ODAD4: variants seen among roughly 807,000 people sequenced by gnomAD.
The protein encoded by ODAD4 is outer dynein arm-docking complex subunit 4.
ODAD4 carries 49 observed loss-of-function variants against 51.8 expected under a neutral mutation model. The ratio of observed to expected loss-of-function variants is 0.95; its 90% CI spans 0.75 to 1.20. ODAD4 has a LOEUF of 1.20. ODAD4 is among the 50% of genes most tolerant of loss of function. The probability of loss-of-function intolerance (pLI) is 0.00; values close to 1 mark genes in which losing one functional copy is unlikely to be tolerated. For synonymous variants in ODAD4, 235 were observed against 221.3 expected (o/e 1.06, Z -0.55); for missense variants, 590 against 586.5 (o/e 1.01, Z -0.06).
In ODAD4 at chr17:41,965,351, AC is replaced by A. The variant is rs782583107; in HGVS notation, c.1888del (p.Gln630ArgfsTer6). 24 of 780,764 alleles carry A rather than the reference AC, an allele frequency of 3.1e-5. No individual in the cohort carries two copies. In the East Asian group the frequency reaches 5.8e-4, roughly 19 times the overall value. The allele number at this position is 780,764 out of a possible 1,614,324, so 48.4% of individuals were successfully genotyped here. ...AAAGACTCTCAGGAGAATTCAGCAG[AC>A]AGGAACCAGAAGAACTAAAGAAACT... ...EQRLSGEFSRQEPEELKKLSE... is the reference protein window; with the variant it reads ...EQRLSGEFSRXEPEELKKLSE... On this transcript the variant is annotated frameshift_variant, in exon 12 of 12. Transcript: ENST00000377540. LOFTEE classifies it low-confidence loss of function (END_TRUNC).
chr17:41,939,229 T>C (rs2050473598), intron 7 of ODAD4, 57 bp downstream of exon 7: 1 of 1,506,028 alleles, frequency 6.6e-7, no homozygotes, highest in East Asian at 2.3e-5. Context: ...CACCTGGGGC[T>C]ATCTGAGGCC....
chr17:41,956,289 T>A (rs986074544), intron 10 of ODAD4, among the ~76,000 whole-genome samples: 2 of 151,994 alleles, frequency 1.3e-5, no homozygotes, highest in Non-Finnish European at 2.9e-5. Flanking sequence ...CCTCAAATGA[T>A]CTGTCTGCCT....
intron 7 of ODAD4, among the ~76,000 whole-genome samples, chr17:41,939,498 A>G (rs554546372): frequency 6.6e-6 from 1 of 152,354 alleles, no homozygotes; most frequent in Admixed American, 6.5e-5. Context: ...CTAGTGTGGG[A>G]ACACAGTAAT....
intron 7 of ODAD4, among the ~76,000 whole-genome samples, chr17:41,942,028 A>G (rs2050514147): frequency 6.6e-6 from 1 of 151,906 alleles, no homozygotes; most frequent in African/African-American, 2.4e-5. Context: ...GCAACCTGCA[A>G]CCTCCGCCTC....
chr17:41,936,166 G>A (rs1555637765), intron 3 of ODAD4, among the ~76,000 whole-genome samples: 1 of 152,338 alleles, frequency 6.6e-6, no homozygotes, highest in East Asian at 1.9e-4. Flanking sequence ...GAGAAGGGAA[G>A]CAAGTGAGAG....
chr17:41,937,898 C>T (rs2050449959), intron 5 of ODAD4, among the ~76,000 whole-genome samples: 1 of 152,214 alleles, frequency 6.6e-6, no homozygotes, highest in Non-Finnish European at 1.5e-5. Flanking sequence ...AGCAGGGTCA[C>T]CTGTGAATCA....
At chr17:41,962,528 G>A (rs1170555448) in intron 11 of ODAD4, among the ~76,000 whole-genome samples, 1 of 152,174 alleles carries the variant, frequency 6.6e-6, no homozygotes, top group Non-Finnish European at 1.5e-5. Flanking sequence ...CCCCATTCAT[G>A]CTTCCCGCAG....
intron 2 of ODAD4, 120 bp from the exon 3 acceptor site, chr17:41,935,479 C>T (rs1598070234): frequency 3.3e-6 from 5 of 1,506,784 alleles, no homozygotes; most frequent in Middle Eastern, 1.8e-4. Flanking sequence ...AGGTCATTGC[C>T]TAAGTCCCTG....
chr17:41,936,518 TAAGC>T lies in ODAD4; in HGVS notation c.449_452del (p.Lys150ArgfsTer5). The T allele has an allele frequency of 1.2e-6, 2 of 1,613,196 alleles. No individual in the cohort carries two copies. The highest frequency in any genetic ancestry group is 8.5e-7 in the Non-Finnish European group (1 of 1,179,642). On this transcript the variant is annotated frameshift_variant, in exon 4 of 12. Coordinates refer to ENST00000377540, the MANE Select transcript of ODAD4 (RefSeq NM_031421.5). LOFTEE classifies it high-confidence loss of function. ...GAGAACAAAGGGGACCTCTCCTTCT[TAAGC>T]AAGCAGGCTGAGGTAAGGGCCCTGG... is the stretch of plus-strand genomic sequence containing the variant.
chr17:41,948,625 C>T (rs2050617274), intron 8 of ODAD4, among the ~76,000 whole-genome samples: 1 of 151,810 alleles, frequency 6.6e-6, no homozygotes, highest in Non-Finnish European at 1.5e-5. Context: ...TATTCTTAAA[C>T]ATTATTTATG....
chr17:41,950,178 C>G (rs1673575699), intron 9 of ODAD4, among the ~76,000 whole-genome samples: 1 of 151,084 alleles, frequency 6.6e-6, no homozygotes, highest in African/African-American at 2.4e-5. Context: ...CCACGTTGGC[C>G]AGGCTGTTCT....
chr17:41,963,931 C>G (rs1394052036), intron 11 of ODAD4, among the ~76,000 whole-genome samples: 1 of 150,240 alleles, frequency 6.7e-6, no homozygotes, highest in African/African-American at 2.5e-5. Context: ...AGTCTCCCCT[C>G]TGTTACCCAG....
At position 41,933,987 on chromosome 17, in the gene ODAD4, T is replaced by C. The variant is rs559265277; in HGVS notation, c.115-1230T>C. On this transcript the variant is annotated intron_variant, in intron 1 of 11. Coordinates refer to ENST00000377540, the MANE Select transcript of ODAD4 (RefSeq NM_031421.5). ...TTCCTAGCATTTTCTTTTTTTTTTT[T>C]CTTTCTTGTTTTTCATTTTTCTTTT... Among the ~76,000 whole-genome samples, 3 of 151,462 alleles carry C rather than the reference T, an allele frequency of 2.0e-5. No homozygotes were observed. In the East Asian group the frequency reaches 5.8e-4, roughly 29 times the overall value.
At chr17:41,941,434 C>T (rs950871268) in intron 7 of ODAD4, among the ~76,000 whole-genome samples, 11 of 152,188 alleles carry the variant, frequency 7.2e-5, no homozygotes, top group Non-Finnish European at 5.9e-5. Context: ...ATCAAGCTGC[C>T]GCCACCCATT....
At chr17:41,955,583 C>T (rs1015189499) in intron 10 of ODAD4, among the ~76,000 whole-genome samples, 2 of 152,056 alleles carry the variant, frequency 1.3e-5, no homozygotes, top group African/African-American at 2.4e-5. Context: ...CCCCCCACCA[C>T]GTCTGGCTAA....
chr17:41,954,765 G>A (rs371747716), intron 9 of ODAD4, among the ~76,000 whole-genome samples: 2 of 150,920 alleles, frequency 1.3e-5, no homozygotes, highest in South Asian at 2.1e-4. Flanking sequence ...CAGGAGAATC[G>A]CTTGAACCTG....
chr17:41,943,024 G>T (rs1042235690), intron 7 of ODAD4, among the ~76,000 whole-genome samples: 1 of 151,968 alleles, frequency 6.6e-6, no homozygotes, highest in African/African-American at 2.4e-5. Flanking sequence ...CATTGTGCCC[G>T]CGTTTTGTTT....
rs782468614 is a variant in ODAD4 at position 41,938,575 on chromosome 17, T to C, written c.644T>C (p.Met215Thr). 2.5e-6 allele frequency: 4 copies of C among 1,613,756 alleles called. No homozygotes were observed. The highest frequency in any genetic ancestry group is 2.2e-5 in the East Asian group (1 of 44,864). Residue 215 changes from methionine (M) to threonine (T), a missense_variant, in exon 6 of 12, where the codon ATG (methionine) becomes ACG (threonine). Physicochemically the swap from Met to Thr is moderately conservative, Grantham distance 81. Coordinates refer to ENST00000377540, the MANE Select transcript of ODAD4 (RefSeq NM_031421.5). Reference sequence around the variant, plus strand: ...CCCACAGACCTGATCAAAGGCACCATGAAGGGCGGCCTGACTGTGGAGGAC... The same window carrying C: ...CCCACAGACCTGATCAAAGGCACCACGAAGGGCGGCCTGACTGTGGAGGAC... ...LLDEDLIKGT[M>T]KGGLTVEDLI...
In ODAD4 at chr17:41,954,964, C is replaced by T. The variant is rs1567937758; in HGVS notation, c.1343-253C>T. The T allele has an allele frequency of 8.6e-6, 5 of 582,942 alleles. No individual in the cohort carries two copies. In the East Asian group the frequency reaches 1.8e-4, roughly 21 times the overall value. 36.1% of individuals were successfully genotyped at this position (582,942 alleles called of 1,614,324 possible). On this transcript the variant is annotated intron_variant, in intron 9 of 11. Transcript: ENST00000377540. Reference sequence around the variant, plus strand: ...GTATGCACTAGACTGCACCACAGTCCCCTTCTCTCACCAACGCCTTTGAAT... The same window carrying T: ...GTATGCACTAGACTGCACCACAGTCTCCTTCTCTCACCAACGCCTTTGAAT...
Sources: allele counts gnomAD v4.1 joint callset (sites outside exome capture counted in the v4.1 genomes callset), GRCh38; gene constraint gnomAD v4.1.1; transcripts MANE v1.5; gene names NCBI Gene and HGNC (gene_info 2026-07-23, HGNC 2026-07-21).